Variants in TCF7L1 observed in about 807,000 individuals in gnomAD.
TCF7L1 encodes the protein transcription factor 7-like 1.
A neutral mutation model predicts 63.7 loss-of-function variants in TCF7L1; 18 were observed. The ratio of observed to expected loss-of-function variants is 0.28; its 90% confidence interval spans 0.20 to 0.42. The LOEUF is 0.42. Ranked by LOEUF, TCF7L1 falls within the 10% of genes least tolerant of loss-of-function variation. The pLI is 1.00. For synonymous variants in TCF7L1, 355 were observed against 340.9 expected (o/e 1.04, Z -0.46); for missense variants, 654 against 779.3 (o/e 0.84, Z 1.91).
chr2:85,234,131 C>CT (rs35508338), intron 3 of TCF7L1, among the ~76,000 whole-genome samples: 1,852 of 65,228 alleles, frequency 0.028, 149 homozygotes, highest in East Asian at 0.043. Flanking sequence ...TTTTTCTTTT[C>CT]TTTTTTTTTT....
At chr2:85,155,005 C>T (rs532237050) in intron 3 of TCF7L1, among the ~76,000 whole-genome samples, 3 of 152,156 alleles carry the variant, frequency 2.0e-5, no homozygotes, top group East Asian at 1.9e-4. Flanking sequence ...TTAGTAAAGA[C>T]GGGGTTTCAC....
intron 3 of TCF7L1, among the ~76,000 whole-genome samples, chr2:85,279,247 G>A (rs1681356877): frequency 6.6e-6 from 1 of 152,164 alleles, no homozygotes; most frequent in Non-Finnish European, 1.5e-5. Flanking sequence ...TGATCGTGGG[G>A]TTGGCCTTAC....
At chr2:85,281,541 G>A (rs1681421540) in intron 3 of TCF7L1, among the ~76,000 whole-genome samples, 2 of 152,348 alleles carry the variant, frequency 1.3e-5, no homozygotes, top group African/African-American at 4.8e-5. Flanking sequence ...CATGTCGGGT[G>A]TGTGGGCTCT....
rs184342065 is a variant in TCF7L1, at chr2:85,228,240, C to T, written c.442-55255C>T. Among the ~76,000 whole-genome samples the T allele has an allele frequency of 4.9e-3, 746 of 151,860 alleles. 7 individuals are homozygous for T. Among genetic ancestry groups the T allele is most frequent in the African/African-American group, 0.016 (678 of 41,394 alleles). On this transcript the variant is annotated intron_variant, in intron 3 of 11. Coordinates refer to ENST00000282111, the MANE Select transcript of TCF7L1 (RefSeq NM_031283.3). Reference sequence around the variant, plus strand: ...TTCAAGATCATCTTGGGCAACATAGCGAGACCCAGTCTCTACAAATAATTT... The same window carrying T: ...TTCAAGATCATCTTGGGCAACATAGTGAGACCCAGTCTCTACAAATAATTT...
chr2:85,221,071 C>T lies in TCF7L1; in HGVS notation c.442-62424C>T, dbSNP rs547438433. ...CACTCAGGTACTAGGGCTGCTAGGT[C>T]GGAAGGACTCAGCAGCCAAACTGAG... On this transcript the variant is annotated intron_variant, in intron 3 of 11. Coordinates refer to ENST00000282111, the MANE Select transcript of TCF7L1 (RefSeq NM_031283.3). 6.6e-5 allele frequency among the ~76,000 whole-genome samples: 10 copies of T among 152,210 alleles called. 1 individual carries two copies. The South Asian group carries it at 8.3e-4, about 13-fold the overall frequency.
chr2:85,146,914 T>C (rs1029653196), intron 3 of TCF7L1, among the ~76,000 whole-genome samples: 2 of 152,212 alleles, frequency 1.3e-5, no homozygotes, highest in Non-Finnish European at 2.9e-5. Context: ...TTAATTGCTA[T>C]CTTAATCTTT....
At chr2:85,237,130 C>A (rs760571771) in intron 3 of TCF7L1, among the ~76,000 whole-genome samples, 22 of 152,166 alleles carry the variant, frequency 1.4e-4, no homozygotes, top group Non-Finnish European at 2.4e-4. Context: ...ATTTGGAGCA[C>A]GTCTTAGGAC....
chr2:85,209,854 G>A (rs775710635), intron 3 of TCF7L1, among the ~76,000 whole-genome samples: 16 of 152,102 alleles, frequency 1.1e-4, no homozygotes, highest in Non-Finnish European at 2.4e-4. Context: ...CCTTTCCCAG[G>A]GAGTCTAATT....
At chr2:85,136,307 T>A (rs1386198826) in intron 3 of TCF7L1, among the ~76,000 whole-genome samples, 1 of 152,320 alleles carries the variant, frequency 6.6e-6, no homozygotes, top group East Asian at 1.9e-4. Context: ...ACAGTCCAAG[T>A]GAGACAGATT....
intron 10 of TCF7L1, 97 bp from the exon 11 acceptor site, chr2:85,307,544 TA>T (rs980014221): frequency 1.9e-6 from 2 of 1,031,960 alleles, no homozygotes; most frequent in African/African-American, 3.2e-5. Context: ...TCGAGAGCAG[TA>T]AAGGGCAACG....
intron 3 of TCF7L1, among the ~76,000 whole-genome samples, chr2:85,188,574 A>C (rs1265020340): frequency 6.6e-6 from 1 of 152,240 alleles, no homozygotes; most frequent in Non-Finnish European, 1.5e-5. Context: ...CTGATTTCAT[A>C]ACATTTTATT....
chr2:85,210,839 A>T (rs962331989), intron 3 of TCF7L1, among the ~76,000 whole-genome samples: 3 of 152,196 alleles, frequency 2.0e-5, no homozygotes, highest in Non-Finnish European at 4.4e-5. Context: ...GGTCAGCATC[A>T]TCTCATTACC....
chr2:85,281,118 G>A (rs1681409495), intron 3 of TCF7L1, among the ~76,000 whole-genome samples: 1 of 150,384 alleles, frequency 6.6e-6, no homozygotes, highest in Non-Finnish European at 1.5e-5. Flanking sequence ...CCGCCTCCTG[G>A]GTTCAAGTGA....
chr2:85,237,891 C>T (rs1375425776), intron 3 of TCF7L1, among the ~76,000 whole-genome samples: 2 of 152,118 alleles, frequency 1.3e-5, no homozygotes, highest in South Asian at 2.1e-4. Context: ...GGAGGACATG[C>T]CTCCGCAGAA....
At chr2:85,222,495 C>T (rs1213143805) in intron 3 of TCF7L1, among the ~76,000 whole-genome samples, 1 of 151,308 alleles carries the variant, frequency 6.6e-6, no homozygotes, top group Non-Finnish European at 1.5e-5. Context: ...TGGTGAAATC[C>T]CTGTCTCCAC....
chr2:85,209,971 T>C (rs1276661638), intron 3 of TCF7L1, among the ~76,000 whole-genome samples: 1 of 152,296 alleles, frequency 6.6e-6, no homozygotes, highest in East Asian at 1.9e-4. Context: ...CATGGGTGTC[T>C]CTTGGTAAAC....
At position 85,304,156 on chromosome 2, in the gene TCF7L1, C is replaced by T. The variant is rs767329604; in HGVS notation, c.762-99C>T. ...CAGCGTGCTCCCAGCATTACCTTCCCGCTTCCTTCCCATATTTCTCATCCC... is the reference window on the plus strand; with the variant it reads ...CAGCGTGCTCCCAGCATTACCTTCCTGCTTCCTTCCCATATTTCTCATCCC... On this transcript the variant is annotated intron_variant, in intron 6 of 11. Transcript: ENST00000282111. The T allele has an allele frequency of 2.0e-5, 27 of 1,369,200 alleles. No homozygotes were observed. In the African/African-American group the frequency reaches 2.4e-4, roughly 12 times the overall value. The allele number at this position is 1,369,200 out of a possible 1,614,324, so 84.8% of individuals were successfully genotyped here. A position where few individuals can be genotyped will look rare whatever the true frequency, so the allele number is the denominator to read the frequency against.
chr2:85,294,026 A>ATTTTTTTTTTT lies in TCF7L1; in HGVS notation c.526-8440_526-8430dup, dbSNP rs774050758. Among the ~76,000 whole-genome samples, 275 of 59,476 alleles carry ATTTTTTTTTTT rather than the reference A, an allele frequency of 4.6e-3. 49 individuals carry two copies. Among genetic ancestry groups the ATTTTTTTTTTT allele is most frequent in the East Asian group, 0.015 (17 of 1,160 alleles). The allele number at this position is 59,476 out of a possible 152,430, so 39.0% of individuals were successfully genotyped here. A position where few individuals can be genotyped will look rare whatever the true frequency, so the allele number is the denominator to read the frequency against. ...ATTTAGGTGTGGCCTGAACACTGGG[A>ATTTTTTTTTTT]TTTTTTTTTTTTTTTTTTTTTTTTT... is the stretch of plus-strand genomic sequence containing the variant. On this transcript the variant is annotated intron_variant, in intron 4 of 11. Transcript: ENST00000282111.
chr2:85,173,325 AG>A (rs1306792550), intron 3 of TCF7L1, among the ~76,000 whole-genome samples: 1 of 121,112 alleles, frequency 8.3e-6, no homozygotes, highest in Non-Finnish European at 1.7e-5. Flanking sequence ...GTGGGTACGG[AG>A]GGGGTGGGGG....
Sources: allele counts gnomAD v4.1 joint callset (sites outside exome capture counted in the v4.1 genomes callset), GRCh38; gene constraint gnomAD v4.1.1; transcripts MANE v1.5; gene names NCBI Gene and HGNC (gene_info 2026-07-23, HGNC 2026-07-21).